Variants in ERN1 observed in about 807,000 individuals in gnomAD.
ERN1 encodes the protein serine/threonine-protein kinase/endoribonuclease IRE1.
In ERN1, 39 loss-of-function variants were observed where a neutral mutation model predicts 113.1. The observed-to-expected ratio is 0.34, with a 90% CI of 0.27 to 0.45. The LOEUF (loss-of-function observed/expected upper bound fraction) is 0.45, where lower values mean the gene tolerates loss of function less well. Ranked by LOEUF, ERN1 falls within the 20% of genes least tolerant of loss-of-function variation. The pLI is 1.00. For synonymous variants in ERN1, 507 were observed against 515.9 expected (o/e 0.98, Z 0.23); for missense variants, 976 against 1,274.8 (o/e 0.77, Z 3.57).
chr17:64,107,506 G>A (rs1474334222), intron 1 of ERN1, among the ~76,000 whole-genome samples: 3 of 151,886 alleles, frequency 2.0e-5, no homozygotes, highest in Admixed American at 6.6e-5. Flanking sequence ...ATTTTTTGTA[G>A]AGATGGGGTC....
intron 1 of ERN1, among the ~76,000 whole-genome samples, chr17:64,119,806 T>C (rs998191676): frequency 3.3e-5 from 5 of 152,184 alleles, no homozygotes; most frequent in African/African-American, 9.7e-5. Context: ...TCCCGTGCTC[T>C]GTGACGTGAC....
At chr17:64,115,111 G>A (rs1567886516) in intron 1 of ERN1, among the ~76,000 whole-genome samples, 1 of 152,118 alleles carries the variant, frequency 6.6e-6, no homozygotes, top group Non-Finnish European at 1.5e-5. Flanking sequence ...TGCAGTCAGT[G>A]CCAGGACTAT....
chr17:64,045,978 T>C (rs1356259458), intron 19 of ERN1, among the ~76,000 whole-genome samples: 2 of 152,140 alleles, frequency 1.3e-5, no homozygotes, highest in South Asian at 2.1e-4. Flanking sequence ...AAGAGGAAAC[T>C]TGGTGGCAAG....
intron 2 of ERN1, among the ~76,000 whole-genome samples, chr17:64,094,241 A>G (rs1458894664): frequency 6.6e-6 from 1 of 152,212 alleles, no homozygotes; most frequent in African/African-American, 2.4e-5. Context: ...CGTCCTGGAA[A>G]TCCAGTTGCC....
intron 1 of ERN1, among the ~76,000 whole-genome samples, chr17:64,121,229 G>A (rs556541708): frequency 6.6e-6 from 1 of 152,240 alleles, no homozygotes; most frequent in South Asian, 2.1e-4. Context: ...AGAACTGCTT[G>A]GCAGGTGGCG....
chr17:64,115,460 T>C (rs960958655), intron 1 of ERN1, among the ~76,000 whole-genome samples: 4 of 152,132 alleles, frequency 2.6e-5, no homozygotes, highest in Non-Finnish European at 5.9e-5. Flanking sequence ...AGTCGTGTAA[T>C]GCAGAAAAAA....
intron 1 of ERN1, among the ~76,000 whole-genome samples, chr17:64,122,038 G>A (rs1914968592): frequency 6.6e-6 from 1 of 152,194 alleles, no homozygotes; most frequent in Non-Finnish European, 1.5e-5. Flanking sequence ...CTTCTCTCAT[G>A]GCCACATAGT....
intron 1 of ERN1, chr17:64,128,866 T>C (rs1467931303): frequency 6.6e-6 from 1 of 151,612 alleles, no homozygotes; most frequent in Non-Finnish European, 1.5e-5. Context: ...ACTCCAAGAG[T>C]ACAGACAGTT....
At chr17:64,070,157 C>T (rs976959300) in intron 6 of ERN1, among the ~76,000 whole-genome samples, 9 of 152,136 alleles carry the variant, frequency 5.9e-5, no homozygotes, top group Non-Finnish European at 1.2e-4. Flanking sequence ...GCTGCCATAT[C>T]AAGAGTCCAG....
At chr17:64,075,993 T>C (rs922640346) in intron 4 of ERN1, among the ~76,000 whole-genome samples, 10 of 152,216 alleles carry the variant, frequency 6.6e-5, no homozygotes, top group South Asian at 4.1e-4. Flanking sequence ...TTTTGATGTT[T>C]TCTTCAGTAA....
intron 1 of ERN1, among the ~76,000 whole-genome samples, chr17:64,121,403 G>A (rs1175900675): frequency 6.6e-6 from 1 of 152,194 alleles, no homozygotes; most frequent in East Asian, 1.9e-4. Context: ...ATGACTAGGC[G>A]AGATGTTACT....
intron 1 of ERN1, among the ~76,000 whole-genome samples, chr17:64,112,618 C>A (rs1914705162): frequency 6.6e-6 from 1 of 152,092 alleles, no homozygotes; most frequent in African/African-American, 2.4e-5. Context: ...CTCTCTGTGC[C>A]TTCAGTTTCT....
At chr17:64,101,174 C>T (rs1914374025) in intron 1 of ERN1, among the ~76,000 whole-genome samples, 1 of 152,108 alleles carries the variant, frequency 6.6e-6, no homozygotes, top group Non-Finnish European at 1.5e-5. Flanking sequence ...TTTGGGAGGC[C>T]GAGGCAGGCA....
At chr17:64,080,209 C>G (rs1402582038) in intron 3 of ERN1, among the ~76,000 whole-genome samples, 1 of 152,114 alleles carries the variant, frequency 6.6e-6, no homozygotes, top group Non-Finnish European at 1.5e-5. Flanking sequence ...AAAGCAGACT[C>G]TAACAGCTTG....
intron 20 of ERN1, 64 bp downstream of exon 20, chr17:64,045,295 T>C: frequency 6.2e-7 from 1 of 1,606,358 alleles, no homozygotes; most frequent in Non-Finnish European, 8.5e-7. Flanking sequence ...TTTCCACGTT[T>C]ACTTTTTGGA....
At chr17:64,098,357 G>C (rs996618862) in intron 1 of ERN1, 116 bp from the exon 2 acceptor site, 1 of 1,284,026 alleles carries the variant, frequency 7.8e-7, no homozygotes, top group Non-Finnish European at 1.1e-6. Flanking sequence ...TTTTACAGAT[G>C]AAGAAATGGA....
intron 2 of ERN1, among the ~76,000 whole-genome samples, chr17:64,092,196 A>G (rs1040929042): frequency 3.9e-5 from 6 of 152,150 alleles, no homozygotes; most frequent in African/African-American, 1.4e-4. Context: ...GAGAGGAGTC[A>G]GGTTTGCAGG....
chr17:64,109,550 T>G (rs1244674049), intron 1 of ERN1, among the ~76,000 whole-genome samples: 1 of 152,190 alleles, frequency 6.6e-6, no homozygotes, highest in Non-Finnish European at 1.5e-5. Flanking sequence ...ACCACCTTCC[T>G]CTCTCCAATT....
At chr17:64,097,436 T>C (rs1010915285) in intron 2 of ERN1, among the ~76,000 whole-genome samples, 1 of 152,202 alleles carries the variant, frequency 6.6e-6, no homozygotes, top group Non-Finnish European at 1.5e-5. Flanking sequence ...CAAATGAGAT[T>C]TATTACTAGA....
Sources: allele counts gnomAD v4.1 joint callset (sites outside exome capture counted in the v4.1 genomes callset), GRCh38; gene constraint gnomAD v4.1.1; transcripts MANE v1.5; gene names NCBI Gene and HGNC (gene_info 2026-07-23, HGNC 2026-07-21).